The following PKNOX2 variants were observed in gnomAD, a reference collection of about 807,000 sequenced individuals.
PKNOX2 encodes PBX/knotted 1 homeobox 2, also known as homeobox protein PKNOX2.
PKNOX2 carries 14 observed loss-of-function variants against 53.1 expected under a neutral mutation model. The ratio of observed to expected loss-of-function variants is 0.26; its 90% CI spans 0.17 to 0.41. The LOEUF (loss-of-function observed/expected upper bound fraction) is 0.41, where lower values mean the gene tolerates loss of function less well. PKNOX2 is among the 10% of genes least tolerant of loss of function. The pLI is 1.00. For synonymous variants in PKNOX2, 257 were observed against 242.8 expected, an observed-to-expected ratio of 1.06 and a Z score of -0.54; for missense variants, 496 against 602.8, an observed-to-expected ratio of 0.82 and a Z score of 1.85.
chr11:125,332,013 G>T (rs2136111933), intron 3 of PKNOX2, 88 bp downstream of exon 3: 1 of 152,332 alleles, frequency 6.6e-6, no homozygotes, highest in East Asian at 1.9e-4. Flanking sequence ...AACGAGCTCA[G>T]AACATGAGCT....
intron 4 of PKNOX2, among the ~76,000 whole-genome samples, chr11:125,354,516 G>T (rs772552232): frequency 5.9e-5 from 9 of 152,162 alleles, no homozygotes; most frequent in Non-Finnish European, 1.5e-5. Context: ...GAAGCGAGAC[G>T]CAGAGCCCTT....
rs1293442243 is a variant in PKNOX2 at position 125,366,233 on chromosome 11, A to G, written c.88-1613A>G. 2.0e-5 allele frequency among the ~76,000 whole-genome samples: 3 copies of G among 152,334 alleles called. No homozygotes were observed. The East Asian group carries it at 5.8e-4, about 29-fold the overall frequency. On this transcript the variant is annotated intron_variant, in intron 4 of 12. Coordinates refer to ENST00000298282, the MANE Select transcript of PKNOX2 (RefSeq NM_001382323.2). ...TAATAGGGGAAAACAGTAGGACTCA[A>G]GCAATTGTCTTCTGGCTTCCAGGCA...
intron 6 of PKNOX2, among the ~76,000 whole-genome samples, chr11:125,391,195 G>A (rs1292182631): frequency 1.3e-5 from 2 of 152,198 alleles, no homozygotes; most frequent in Admixed American, 6.6e-5. Context: ...GAGCTGAATG[G>A]GTTCCGTAAT....
intron 1 of PKNOX2, among the ~76,000 whole-genome samples, chr11:125,206,833 G>C (rs1347135675): frequency 1.3e-5 from 2 of 152,008 alleles, no homozygotes; most frequent in African/African-American, 4.8e-5. Flanking sequence ...GACTTAGACA[G>C]GTTGTGTTTT....
At chr11:125,214,477 A>G (rs1940241142) in intron 1 of PKNOX2, among the ~76,000 whole-genome samples, 1 of 152,034 alleles carries the variant, frequency 6.6e-6, no homozygotes, top group African/African-American at 2.4e-5. Context: ...GGTCTAAATC[A>G]TGTACCTGGG....
Position 125,256,863 on chromosome 11 carries a change from C to T in PKNOX2, c.-130+21748C>T, listed in dbSNP as rs536425152. ...AGGCTTCTGCTTCCGTTGCAGCCGCCTCTGTCTCGGCTGCCAACATCAAAG... is the reference window on the plus strand; with the variant it reads ...AGGCTTCTGCTTCCGTTGCAGCCGCTTCTGTCTCGGCTGCCAACATCAAAG... On this transcript the variant is annotated intron_variant, in intron 2 of 12. Coordinates refer to ENST00000298282, the MANE Select transcript of PKNOX2 (RefSeq NM_001382323.2). 7.4e-4 allele frequency among the ~76,000 whole-genome samples: 112 copies of T among 152,332 alleles called. 1 individual carries two copies. Among genetic ancestry groups the T allele is most frequent in the African/African-American group, 2.7e-3 (111 of 41,568 alleles).
At chr11:125,279,069 C>A (rs918097627) in intron 2 of PKNOX2, among the ~76,000 whole-genome samples, 4 of 152,204 alleles carry the variant, frequency 2.6e-5, no homozygotes, top group African/African-American at 7.2e-5. Flanking sequence ...TCTGGCTTGG[C>A]GGGACTATTG....
chr11:125,208,248 A>G (rs1390164560), intron 1 of PKNOX2, among the ~76,000 whole-genome samples: 1 of 152,090 alleles, frequency 6.6e-6, no homozygotes, highest in East Asian at 1.9e-4. Context: ...AATTTGGAGC[A>G]TAGTCATGGG....
At chr11:125,227,471 C>T (rs138780316) in intron 1 of PKNOX2, among the ~76,000 whole-genome samples, 3 of 152,224 alleles carry the variant, frequency 2.0e-5, no homozygotes, top group African/African-American at 7.2e-5. Context: ...TGGAACCATA[C>T]AGTATTTGTC....
intron 2 of PKNOX2, among the ~76,000 whole-genome samples, chr11:125,248,580 T>A (rs111656552): frequency 0.024 from 3,655 of 150,900 alleles, 171 homozygotes; most frequent in African/African-American, 0.083. Flanking sequence ...GCAATGTATA[T>A]ATTGTAACAT....
chr11:125,193,863 G>A (rs1233212507), intron 1 of PKNOX2, among the ~76,000 whole-genome samples: 2 of 152,320 alleles, frequency 1.3e-5, no homozygotes, highest in Non-Finnish European at 2.9e-5. Context: ...GCTGCCTTGG[G>A]CAAGCCATGT....
intron 2 of PKNOX2, among the ~76,000 whole-genome samples, chr11:125,314,605 G>A (rs1486931273): frequency 2.0e-5 from 3 of 152,098 alleles, no homozygotes; most frequent in Admixed American, 6.5e-5. Flanking sequence ...TCAGCTCCCC[G>A]AGAGCCGGGC....
chr11:125,212,449 CTTTTTTTT>C (rs796083611), intron 1 of PKNOX2, among the ~76,000 whole-genome samples: 4 of 105,386 alleles, frequency 3.8e-5, no homozygotes, highest in Admixed American at 1.0e-4. Context: ...GGAGGGGATT[CTTTTTTTT>C]TTTTTTTTTT....
chr11:125,426,862 G>A (rs953964141), intron 10 of PKNOX2, among the ~76,000 whole-genome samples: 1 of 152,194 alleles, frequency 6.6e-6, no homozygotes, highest in Admixed American at 6.5e-5. Context: ...CAGAGGCCAC[G>A]GTGACCAGCT....
chr11:125,367,757 G>A (rs1291307720), intron 4 of PKNOX2, 89 bp from the exon 5 acceptor site: 4 of 1,428,062 alleles, frequency 2.8e-6, no homozygotes, highest in African/African-American at 1.4e-5. Flanking sequence ...TCCGGGCACA[G>A]CACAGGCCAA....
chr11:125,169,165 C>T (rs955102253), intron 1 of PKNOX2, among the ~76,000 whole-genome samples: 3 of 152,120 alleles, frequency 2.0e-5, no homozygotes, highest in African/African-American at 4.8e-5. Flanking sequence ...AACGCAGATC[C>T]GAGCATGGAG....
intron 1 of PKNOX2, among the ~76,000 whole-genome samples, chr11:125,224,530 G>T (rs746286577): frequency 6.6e-6 from 1 of 152,214 alleles, no homozygotes; most frequent in African/African-American, 2.4e-5. Context: ...CCCGCCCCTT[G>T]CCTGTTTATG....
chr11:125,197,673 CAAA>C (rs369888039), intron 1 of PKNOX2, among the ~76,000 whole-genome samples: 1 of 151,918 alleles, frequency 6.6e-6, no homozygotes, highest in African/African-American at 2.4e-5. Flanking sequence ...ACAACAACAA[CAAA>C]AAAACACAGC....
At chr11:125,175,207 A>AGAAGGAAG (rs368917674) in intron 1 of PKNOX2, among the ~76,000 whole-genome samples, 20,767 of 138,850 alleles carry the variant, frequency 0.15, 1,636 homozygotes, top group Non-Finnish European at 0.18. Flanking sequence ...GGGTTTGAGG[A>AGAAGGAAG]GAAGGAAGGA....
Sources: gnomAD v4.1 joint callset for allele counts (sites outside exome capture counted in the v4.1 genomes callset) on GRCh38, gnomAD v4.1.1 for gene constraint, MANE v1.5 for transcripts, NCBI Gene and HGNC (gene_info 2026-07-23, HGNC 2026-07-21) for gene names.